ITPKB: variants seen among roughly 807,000 people sequenced by gnomAD.
ITPKB encodes the protein inositol-trisphosphate 3-kinase B.
In ITPKB, 13 loss-of-function variants were observed where a neutral mutation model predicts 69.4. The ratio of observed to expected loss-of-function variants is 0.19; its 90% confidence interval spans 0.12 to 0.30. ITPKB has a LOEUF of 0.30. ITPKB is among the 10% of genes least tolerant of loss of function. The pLI, the probability that ITPKB is intolerant of heterozygous loss-of-function variation, is 1.00. For synonymous variants in ITPKB, 584 were observed against 513.7 expected (o/e 1.14, Z -1.85); for missense variants, 1,240 against 1,250.5 (o/e 0.99, Z 0.13).
rs754932102 is a variant in ITPKB, at chr1:226,634,664, G to A, written c.*7C>T. 4 of 790,092 alleles carry A rather than the reference G, an allele frequency of 5.1e-6. No homozygotes were observed. Among genetic ancestry groups the A allele is most frequent in the African/African-American group, 5.1e-5 (3 of 59,294 alleles). 48.9% of individuals were successfully genotyped at this position (790,092 alleles called of 1,614,324 possible). A position where few individuals can be genotyped will look rare whatever the true frequency, so the allele number is the denominator to read the frequency against. On this transcript the variant is annotated 3_prime_UTR_variant, in exon 8 of 8. Coordinates refer to ENST00000429204, the MANE Select transcript of ITPKB (RefSeq NM_002221.4). The surrounding 1 kb of genome is among the most constrained non-coding windows in gnomAD (Gnocchi z 6.3). ...CCCAGGCGGGGGCCAGGGAGGGCGT[G>A]GGCAGCTCAGGCGAGTGGGGCATCC...
At chr1:226,702,901 CCTTT>C (rs1357185122) in intron 2 of ITPKB, among the ~76,000 whole-genome samples, 3 of 152,242 alleles carry the variant, frequency 2.0e-5, no homozygotes, top group Non-Finnish European at 4.4e-5. Flanking sequence ...GAATTTCATT[CCTTT>C]CTAATTAAAT....
intron 2 of ITPKB, among the ~76,000 whole-genome samples, chr1:226,658,326 A>C (rs1488706274): frequency 6.6e-6 from 1 of 152,198 alleles, no homozygotes; most frequent in Non-Finnish European, 1.5e-5. Flanking sequence ...GCTGGGTACA[A>C]GCCCAGGCAG....
At chr1:226,649,926 T>C (rs375045918) in intron 2 of ITPKB, among the ~76,000 whole-genome samples, 2 of 151,454 alleles carry the variant, frequency 1.3e-5, no homozygotes, top group African/African-American at 4.9e-5. Flanking sequence ...GAGATGAAGA[T>C]CAAGTGTCCC....
intron 2 of ITPKB, among the ~76,000 whole-genome samples, chr1:226,684,075 C>T (rs1361179414): frequency 1.3e-5 from 2 of 152,114 alleles, no homozygotes; most frequent in Non-Finnish European, 2.9e-5. Flanking sequence ...AATGAACTTC[C>T]GTGAGTAGAA....
intron 2 of ITPKB, among the ~76,000 whole-genome samples, chr1:226,703,505 C>G (rs1236782700): frequency 6.6e-6 from 1 of 152,152 alleles, no homozygotes; most frequent in Non-Finnish European, 1.5e-5. Context: ...GCCCGGCCCC[C>G]ACCTCCTCTC....
chr1:226,713,401 T>G (rs2102638831), intron 2 of ITPKB, among the ~76,000 whole-genome samples: 1 of 152,278 alleles, frequency 6.6e-6, no homozygotes, highest in East Asian at 1.9e-4. Flanking sequence ...CAATTGCTAT[T>G]TTTATTTTTG....
intron 2 of ITPKB, among the ~76,000 whole-genome samples, chr1:226,708,636 G>A (rs554657513): frequency 3.9e-5 from 6 of 152,322 alleles, no homozygotes; most frequent in Middle Eastern, 3.4e-3. Context: ...TGGCAACCAC[G>A]AGGAAAGATG....
intron 2 of ITPKB, chr1:226,668,861 GA>G (rs1669555642): frequency 6.6e-6 from 1 of 152,188 alleles, no homozygotes; most frequent in Non-Finnish European, 1.5e-5. Context: ...CTCAAAACCA[GA>G]AACTATAGTT....
At chr1:226,703,781 G>C (rs1656737336) in intron 2 of ITPKB, among the ~76,000 whole-genome samples, 1 of 152,212 alleles carries the variant, frequency 6.6e-6, no homozygotes, top group African/African-American at 2.4e-5. Context: ...CAGCGCTGCT[G>C]GCCGCCAGCT....
Position 226,737,120 on chromosome 1 carries a change from C to T in ITPKB, c.339G>A (p.Val113=), listed in dbSNP as rs1478834947. Residue 113 remains valine (V), a synonymous_variant, in exon 2 of 8, where the codon GTG becomes GTA. Transcript: ENST00000429204. The part of the protein sequence containing the change: ...AGRLRGDRQQ[V]VAAGTLSPPG... ...GCGGGGAGAGGGTACCGGCTGCCAC[C>T]ACCTGCTGCCGGTCCCCTCGCAGGC... 7 of 1,603,874 alleles carry T rather than the reference C, an allele frequency of 4.4e-6. No homozygotes were observed. The highest frequency in any genetic ancestry group is 5.9e-6 in the Non-Finnish European group (7 of 1,179,680).
chr1:226,650,628 G>T (rs920227890), intron 2 of ITPKB, among the ~76,000 whole-genome samples: 1 of 152,222 alleles, frequency 6.6e-6, no homozygotes, highest in Admixed American at 6.5e-5. Context: ...GGTGGGTCCA[G>T]GGGGAGAGTG....
At chr1:226,677,057 A>AT in intron 2 of ITPKB, among the ~76,000 whole-genome samples, 1 of 152,334 alleles carries the variant, frequency 6.6e-6, no homozygotes, top group Admixed American at 6.5e-5. Flanking sequence ...CCCAGAGCCC[A>AT]GGCTAGCTTG....
chr1:226,639,206 C>T (rs1052934716), intron 6 of ITPKB, among the ~76,000 whole-genome samples: 4 of 152,118 alleles, frequency 2.6e-5, no homozygotes, highest in African/African-American at 4.8e-5. Context: ...TACAGGCATG[C>T]GCCACCATGT....
At chr1:226,682,922 C>T (rs977414329) in intron 2 of ITPKB, among the ~76,000 whole-genome samples, 2 of 152,172 alleles carry the variant, frequency 1.3e-5, no homozygotes, top group Non-Finnish European at 2.9e-5. Flanking sequence ...TATTTGGCCA[C>T]GTTCTACCTA....
chr1:226,737,669 G>C lies in ITPKB; in HGVS notation c.-205-6C>G, dbSNP rs908685494. 8.7e-5 allele frequency: 88 copies of C among 1,010,138 alleles called. No homozygotes were observed. The highest frequency in any genetic ancestry group is 1.1e-4 in the Non-Finnish European group (87 of 827,800). 62.6% of individuals were successfully genotyped at this position (1,010,138 alleles called of 1,614,324 possible). On this transcript the variant is annotated splice_polypyrimidine_tract_variant and splice_region_variant and intron_variant, in intron 1 of 7. Transcript: ENST00000429204. ...CTCCATAAACAACCGTGCGGCTGTG[G>C]AGATACAAGGAGAAAAGTCAGGACC...
chr1:226,662,263 G>A (rs911393494), intron 2 of ITPKB, among the ~76,000 whole-genome samples: 1 of 152,218 alleles, frequency 6.6e-6, no homozygotes, highest in African/African-American at 2.4e-5. Flanking sequence ...GCTGGAGGAT[G>A]ACATTTACAA....
intron 2 of ITPKB, among the ~76,000 whole-genome samples, chr1:226,682,354 AAC>A (rs761074491): frequency 4.6e-5 from 7 of 152,234 alleles, no homozygotes; most frequent in Non-Finnish European, 7.3e-5. Flanking sequence ...GGTTCTTGAG[AAC>A]AGAGAATGAC....
In ITPKB at chr1:226,735,747, A is replaced by G; in HGVS notation, c.1712T>C (p.Ile571Thr). 2 of 1,593,206 alleles carry G rather than the reference A, an allele frequency of 1.3e-6. No homozygotes were observed. Among genetic ancestry groups the G allele is most frequent in the Non-Finnish European group, 1.7e-6 (2 of 1,165,386 alleles). ...ATCCTCCTGGGTGCCCATGTCTGTA[A>G]TGATGACAGCAGGTATGTTGCTGGG... is the stretch of plus-strand genomic sequence containing the variant. ...CSPSNIPAVI[I>T]TDMGTQEDGA... is the part of the protein sequence containing the mutation. Residue 571 changes from isoleucine to threonine, a missense_variant, in exon 2 of 8, where the codon ATT becomes ACT. Ile to Thr is a moderately conservative substitution (Grantham distance 89). Around this residue, in one of 2 missense-constraint regions of ITPKB, gnomAD observed 992 missense variants for 853.8 expected, o/e 1.16. Transcript: ENST00000429204.
intron 2 of ITPKB, 69 bp downstream of exon 2, chr1:226,735,458 G>A (rs1191695667): frequency 5.6e-6 from 8 of 1,424,556 alleles, no homozygotes; most frequent in African/African-American, 2.9e-5. Context: ...AAGAAAAAGG[G>A]ATGCATAGGG....
Sources: allele counts gnomAD v4.1 joint callset (sites outside exome capture counted in the v4.1 genomes callset), GRCh38; gene constraint gnomAD v4.1.1; regional missense constraint gnomAD v4.1.1; non-coding constraint Gnocchi (gnomAD v3.1); transcripts MANE v1.5; gene names NCBI Gene and HGNC (gene_info 2026-07-23, HGNC 2026-07-21).